Variants in SIMC1 observed in about 807,000 individuals in gnomAD.
SIMC1 encodes the protein SUMO-interacting motif-containing protein 1.
Under a neutral mutation model 82.3 loss-of-function variants are expected in SIMC1, and 55 were observed. The ratio of observed to expected loss-of-function variants is 0.67; its 90% confidence interval spans 0.54 to 0.84. The LOEUF (loss-of-function observed/expected upper bound fraction) is 0.84. Ranked by LOEUF, SIMC1 falls within the 40% of genes least tolerant of loss-of-function variation. SIMC1 has a pLI of 0.00. For missense variants in SIMC1, 915 were observed against 1,107.2 expected (o/e 0.83, Z 2.46); for synonymous variants, 353 against 426.3 (o/e 0.83, Z 2.12).
intron 1 of SIMC1, among the ~76,000 whole-genome samples, chr5:176,277,358 T>A (rs150930492): frequency 1.3e-5 from 2 of 151,738 alleles, no homozygotes; most frequent in Non-Finnish European, 2.9e-5. Context: ...GCCCTTTGTC[T>A]GATGAGTGGG....
intron 7 of SIMC1, 105 bp downstream of exon 7, chr5:176,324,862 C>G: frequency 7.7e-7 from 1 of 1,300,766 alleles, no homozygotes. Context: ...TGCTACCTGT[C>G]AGGAACAGAA....
intron 7 of SIMC1, 35 bp downstream of exon 7, chr5:176,324,792 TAAA>T (rs142932031): frequency 7.4e-7 from 1 of 1,356,082 alleles, no homozygotes; most frequent in Non-Finnish European, 9.8e-7. Flanking sequence ...AGCAGTTATT[TAAA>T]AAAAAAACAA....
intron 1 of SIMC1, among the ~76,000 whole-genome samples, chr5:176,246,378 T>C (rs1195358827): frequency 6.6e-6 from 1 of 150,742 alleles, no homozygotes. Context: ...CCCAAAAACA[T>C]TGCCAATCAG....
In SIMC1 at chr5:176,296,407, T is replaced by C. The variant is rs1581269480; in HGVS notation, c.1734+87T>C. 1.9e-6 allele frequency: 3 copies of C among 1,601,768 alleles called. No individual in the cohort carries two copies. In the African/African-American group the frequency reaches 4.0e-5, roughly 21 times the overall value. On this transcript the variant is annotated intron_variant, in intron 4 of 9. Transcript: ENST00000429602. ...TATCAGGTGCCATGGCTCACACCTG[T>C]AATCCCAGCATTTTGGGAGGCCGAG...
At chr5:176,342,138 C>T (rs1766177263) in intron 9 of SIMC1, among the ~76,000 whole-genome samples, 1 of 152,160 alleles carries the variant, frequency 6.6e-6, no homozygotes, top group Admixed American at 6.5e-5. Flanking sequence ...ACTTTTTTTC[C>T]ACTTCTTTCA....
intron 1 of SIMC1, among the ~76,000 whole-genome samples, chr5:176,245,069 A>G (rs932065901): frequency 5.9e-5 from 9 of 152,190 alleles, no homozygotes; most frequent in South Asian, 2.1e-4. Flanking sequence ...AAAGATTGTT[A>G]TAGGTGGAAC....
rs578070325 is a variant in SIMC1 at position 176,245,712 on chromosome 5, G to A, written c.129+7075G>A. Among the ~76,000 whole-genome samples, 549 of 152,230 alleles carry A rather than the reference G, an allele frequency of 3.6e-3. 4 individuals are homozygous for A. Among genetic ancestry groups the A allele is most frequent in the Non-Finnish European group, 5.8e-3 (395 of 68,032 alleles). ...TTTATTCAGGAATGGCATTGCAACC[G>A]GAGTGTGTGAGCCATAATAAACTAT... On this transcript the variant is annotated intron_variant, in intron 1 of 9. Coordinates refer to ENST00000429602, the MANE Select transcript of SIMC1 (RefSeq NM_001308195.2).
At chr5:176,325,151 C>CT (rs1426905348) in intron 7 of SIMC1, among the ~76,000 whole-genome samples, 1 of 151,516 alleles carries the variant, frequency 6.6e-6, no homozygotes, top group African/African-American at 2.4e-5. Context: ...AGGACTAGGA[C>CT]TAGGCGAGCA....
At chr5:176,245,154 T>G (rs557589963) in intron 1 of SIMC1, among the ~76,000 whole-genome samples, 1 of 152,256 alleles carries the variant, frequency 6.6e-6, no homozygotes, top group South Asian at 2.1e-4. Context: ...AGAAATAGGG[T>G]CATTGGCAGA....
chr5:176,272,452 T>C (rs376614703), intron 1 of SIMC1, among the ~76,000 whole-genome samples: 23 of 151,418 alleles, frequency 1.5e-4, no homozygotes, highest in African/African-American at 4.8e-4. Context: ...TATAGAAATG[T>C]ATATCGAAAT....
Position 176,336,800 on chromosome 5 carries a change from C to T in SIMC1, c.2252C>T (p.Thr751Ile), listed in dbSNP as rs1765916900. 6.2e-7 allele frequency: 1 copy of T among 1,614,018 alleles called. No individual in the cohort carries two copies. Among genetic ancestry groups the T allele is most frequent in the Non-Finnish European group, 8.5e-7 (1 of 1,179,896 alleles). Residue 751 changes from threonine to isoleucine, a missense_variant, in exon 8 of 10, where the codon ACA (threonine) becomes ATA (isoleucine). By Grantham distance (89) the Thr-to-Ile change is moderately conservative. Coordinates refer to ENST00000429602, the MANE Select transcript of SIMC1 (RefSeq NM_001308195.2). ...LEIIFLHSCE[T>I]PTRLPLSLAQ... ...ATCATATTCCTCCACAGCTGTGAGA[C>T]ACCCACCCGCCTGCCTCTGTCTCTG...
rs545672702 is a variant in SIMC1, at chr5:176,252,474, G to A, written c.129+13837G>A. On this transcript the variant is annotated intron_variant, in intron 1 of 9. Transcript: ENST00000429602. ...CACCTCCCAGATGGGGTCGCGGCTG[G>A]GCAGAGGCGCTCCTCACATCCCAGA... Among the ~76,000 whole-genome samples the A allele has an allele frequency of 3.3e-5, 5 of 151,974 alleles. No individual in the cohort carries two copies. The East Asian group carries it at 9.7e-4, about 29-fold the overall frequency.
chr5:176,320,420 T>C (rs941109954), intron 5 of SIMC1, among the ~76,000 whole-genome samples: 3 of 151,968 alleles, frequency 2.0e-5, no homozygotes, highest in South Asian at 2.1e-4. Flanking sequence ...AAGGCTGGAG[T>C]GCAGCAACCC....
intron 1 of SIMC1, among the ~76,000 whole-genome samples, chr5:176,262,230 T>C (rs1762038193): frequency 6.8e-6 from 1 of 146,858 alleles, no homozygotes; most frequent in African/African-American, 2.5e-5. Flanking sequence ...AGAAATCACA[T>C]GATCCCTTCA....
rs573380737 is a variant in SIMC1 at position 176,302,322 on chromosome 5, A to G, written c.1734+6002A>G. 9.5e-4 allele frequency among the ~76,000 whole-genome samples: 144 copies of G among 152,326 alleles called. 1 individual carries two copies. Among genetic ancestry groups the G allele is most frequent in the African/African-American group, 3.4e-3 (140 of 41,568 alleles). ...CAGAATGAAGGAGAAAAAACACACA[A>G]TCACCTCAATTAATGCAGAAAACAC... On this transcript the variant is annotated intron_variant, in intron 4 of 9. Coordinates refer to ENST00000429602, the MANE Select transcript of SIMC1 (RefSeq NM_001308195.2).
chr5:176,253,334 G>A (rs1264193257), intron 1 of SIMC1, among the ~76,000 whole-genome samples: 1 of 152,002 alleles, frequency 6.6e-6, no homozygotes, highest in Non-Finnish European at 1.5e-5. Context: ...TGAATATGAC[G>A]ATTATGCGTC....
chr5:176,328,270 T>A (rs774595176), intron 7 of SIMC1, among the ~76,000 whole-genome samples: 1 of 152,106 alleles, frequency 6.6e-6, no homozygotes, highest in East Asian at 1.9e-4. Context: ...AATATACATA[T>A]CTTTTTGTAA....
intron 5 of SIMC1, among the ~76,000 whole-genome samples, chr5:176,316,513 CA>C (rs60873841): frequency 0.57 from 70,238 of 122,530 alleles, 18,142 homozygotes; most frequent in Middle Eastern, 0.62. Context: ...CTAAAAAATA[CA>C]AAAAAAAAAA....
At chr5:176,326,111 C>A (rs996567875) in intron 7 of SIMC1, among the ~76,000 whole-genome samples, 1 of 152,106 alleles carries the variant, frequency 6.6e-6, no homozygotes, top group Non-Finnish European at 1.5e-5. Context: ...AGAGTCATTG[C>A]GTAGTGGTGA....
Sources: gnomAD v4.1 joint callset for allele counts (sites outside exome capture counted in the v4.1 genomes callset) on GRCh38, gnomAD v4.1.1 for gene constraint, MANE v1.5 for transcripts, NCBI Gene and HGNC (gene_info 2026-07-23, HGNC 2026-07-21) for gene names.